The following MOB3B variants were observed in gnomAD, a reference collection of about 807,000 sequenced individuals.
The protein encoded by MOB3B is MOB kinase activator-like 2B.
A neutral mutation model predicts 18.7 loss-of-function variants in MOB3B; 7 were observed. The ratio of observed to expected loss-of-function variants is 0.37; its 90% CI spans 0.21 to 0.70. The LOEUF is 0.70. MOB3B is among the 30% of genes least tolerant of loss of function. The pLI is 0.52. For synonymous variants in MOB3B, 111 were observed against 99.9 expected (o/e 1.11, Z -0.66); for missense variants, 253 against 281.3 (o/e 0.90, Z 0.72).
intron 2 of MOB3B, among the ~76,000 whole-genome samples, chr9:27,360,127 C>T (rs2131357313): frequency 6.6e-6 from 1 of 152,324 alleles, no homozygotes; most frequent in South Asian, 2.1e-4. Flanking sequence ...GATCCTCCTA[C>T]AGCGCCTAGA....
At chr9:27,337,201 G>A (rs1820877113) in intron 3 of MOB3B, among the ~76,000 whole-genome samples, 1 of 152,244 alleles carries the variant, frequency 6.6e-6, no homozygotes, top group African/African-American at 2.4e-5. Flanking sequence ...ATTCCCCACA[G>A]CAAGGCTAAG....
chr9:27,450,837 T>C (rs1822772652), intron 2 of MOB3B, among the ~76,000 whole-genome samples: 1 of 152,186 alleles, frequency 6.6e-6, no homozygotes, highest in Non-Finnish European at 1.5e-5. Context: ...ATTAACTTCA[T>C]TTTTACTTTA....
chr9:27,446,332 T>C (rs1238676816), intron 2 of MOB3B, among the ~76,000 whole-genome samples: 1 of 152,178 alleles, frequency 6.6e-6, no homozygotes, highest in Admixed American at 6.5e-5. Flanking sequence ...CCGAATGTTA[T>C]GCTGGGTGCT....
intron 3 of MOB3B, among the ~76,000 whole-genome samples, chr9:27,340,770 G>A (rs541964335): frequency 4.3e-4 from 65 of 152,292 alleles, no homozygotes; most frequent in Non-Finnish European, 7.2e-4. Context: ...AAGCGACACT[G>A]AGATCTCTGA....
chr9:27,473,666 T>A (rs1420151943), intron 1 of MOB3B, among the ~76,000 whole-genome samples: 5 of 151,998 alleles, frequency 3.3e-5, no homozygotes, highest in African/African-American at 1.2e-4. Flanking sequence ...ATGGACCCCA[T>A]CAAGACATTC....
At chr9:27,508,476 T>C (rs1395259099) in intron 1 of MOB3B, among the ~76,000 whole-genome samples, 1 of 152,168 alleles carries the variant, frequency 6.6e-6, no homozygotes, top group East Asian at 1.9e-4. Context: ...CCTGGGAACA[T>C]GGCTGAAGCA....
intron 2 of MOB3B, among the ~76,000 whole-genome samples, chr9:27,426,323 A>G (rs1369733506): frequency 6.6e-6 from 1 of 152,178 alleles, no homozygotes; most frequent in Non-Finnish European, 1.5e-5. Flanking sequence ...GAAAGGGGTT[A>G]TACGTTTTGT....
At chr9:27,496,662 T>C (rs1819905600) in intron 1 of MOB3B, among the ~76,000 whole-genome samples, 1 of 152,196 alleles carries the variant, frequency 6.6e-6, no homozygotes, top group Non-Finnish European at 1.5e-5. Context: ...TGTTTTAAAA[T>C]TTAGCTCTGG....
chr9:27,358,912 C>T lies in MOB3B; in HGVS notation c.621+122G>A, dbSNP rs1286760107. On this transcript the variant is annotated intron_variant, in intron 3 of 3. Coordinates refer to ENST00000262244, the MANE Select transcript of MOB3B (RefSeq NM_024761.5). ...GTTGACCACTAAACCCCATTCAATT[C>T]TGCAGCCCTCAGGCTAACAGCTAGC... 1.3e-5 allele frequency: 13 copies of T among 1,012,452 alleles called. No individual in the cohort carries two copies. In the East Asian group the frequency reaches 3.1e-4, roughly 24 times the overall value. The allele number at this position is 1,012,452 out of a possible 1,614,324, so 62.7% of individuals were successfully genotyped here.
chr9:27,496,606 T>C (rs17769062), intron 1 of MOB3B, among the ~76,000 whole-genome samples: 4,163 of 152,294 alleles, frequency 0.027, 87 homozygotes, highest in Non-Finnish European at 0.044. Context: ...AGGACTCCAA[T>C]AAATATGAGG....
At chr9:27,490,437 A>ATTTTTGC (rs1439551811) in intron 1 of MOB3B, among the ~76,000 whole-genome samples, 2 of 152,222 alleles carry the variant, frequency 1.3e-5, no homozygotes, top group African/African-American at 4.8e-5. Flanking sequence ...GAAGCAACTA[A>ATTTTTGC]TAGTGTTTGA....
chr9:27,370,340 C>A (rs1821398609), intron 2 of MOB3B, among the ~76,000 whole-genome samples: 1 of 152,042 alleles, frequency 6.6e-6, no homozygotes, highest in Admixed American at 6.6e-5. Context: ...GAAACCCCGT[C>A]TGTACTAAAA....
intron 1 of MOB3B, among the ~76,000 whole-genome samples, chr9:27,507,907 C>A (rs1820083783): frequency 6.6e-6 from 1 of 152,146 alleles, no homozygotes; most frequent in Non-Finnish European, 1.5e-5. Context: ...GTTCTTCAAG[C>A]GATTAAAGCT....
intron 2 of MOB3B, among the ~76,000 whole-genome samples, chr9:27,438,507 C>A (rs1279350180): frequency 1.3e-5 from 2 of 152,116 alleles, no homozygotes; most frequent in African/African-American, 4.8e-5. Flanking sequence ...GGCAAGAGGA[C>A]CTTGTAGGTC....
intron 2 of MOB3B, among the ~76,000 whole-genome samples, chr9:27,433,600 T>C (rs1265978031): frequency 6.6e-6 from 1 of 152,182 alleles, no homozygotes; most frequent in Non-Finnish European, 1.5e-5. Flanking sequence ...CAAAGCTCCA[T>C]CTCCACCCTC....
intron 1 of MOB3B, among the ~76,000 whole-genome samples, chr9:27,474,346 A>T (rs1819520670): frequency 6.6e-6 from 1 of 152,236 alleles, no homozygotes; most frequent in Non-Finnish European, 1.5e-5. Context: ...CCAGAAGCTC[A>T]TGAGTTCTGA....
intron 2 of MOB3B, among the ~76,000 whole-genome samples, chr9:27,377,342 T>C (rs1821503724): frequency 2.6e-5 from 4 of 152,114 alleles, no homozygotes; most frequent in African/African-American, 9.7e-5. Flanking sequence ...TACATGAATC[T>C]CCCAGGATGA....
intron 1 of MOB3B, among the ~76,000 whole-genome samples, chr9:27,467,764 A>G (rs1819409140): frequency 6.6e-6 from 1 of 152,204 alleles, no homozygotes. Context: ...CTGCTTCCCC[A>G]GCTTTCTGCC....
chr9:27,464,901 A>T (rs1819355496), intron 1 of MOB3B, among the ~76,000 whole-genome samples: 1 of 152,170 alleles, frequency 6.6e-6, no homozygotes, highest in African/African-American at 2.4e-5. Flanking sequence ...TGATTCAATT[A>T]TCTCCCCCTG....
Sources: allele counts gnomAD v4.1 joint callset (sites outside exome capture counted in the v4.1 genomes callset), GRCh38; gene constraint gnomAD v4.1.1; transcripts MANE v1.5; gene names NCBI Gene and HGNC (gene_info 2026-07-23, HGNC 2026-07-21).